The following PRELID2 variants were observed in gnomAD, a reference collection of about 807,000 sequenced individuals.
PRELID2 encodes the protein PRELI domain-containing protein 2.
Under a neutral mutation model 28.4 loss-of-function variants are expected in PRELID2, and 25 were observed. That is an observed-to-expected ratio of 0.88 (90% CI 0.64 to 1.23). PRELID2 has a LOEUF of 1.23. Among genes scored for constraint, PRELID2 ranks in the 50% most tolerant of loss-of-function variants. PRELID2 has a pLI of 0.00. For synonymous variants in PRELID2, 76 were observed against 71.6 expected (o/e 1.06, Z -0.31); for missense variants, 201 against 214.4 (o/e 0.94, Z 0.39).
the PRELID2 span, among the ~76,000 whole-genome samples, chr5:145,426,770 T>C: frequency 1.3e-5 from 2 of 152,190 alleles, no homozygotes; most frequent in Non-Finnish European, 2.9e-5. Context: ...TCAGATCTGT[T>C]GATTCCAGAG....
intron 1 of PRELID2, among the ~76,000 whole-genome samples, chr5:145,581,282 G>A (rs1013149423): frequency 6.6e-6 from 1 of 152,040 alleles, no homozygotes; most frequent in Non-Finnish European, 1.5e-5. Context: ...TAGAAGCCAT[G>A]TGTTGTCAAT....
At chr5:145,727,658 T>C (rs1185235153) in intron 1 of PRELID2, among the ~76,000 whole-genome samples, 2 of 152,120 alleles carry the variant, frequency 1.3e-5, no homozygotes, top group Non-Finnish European at 2.9e-5. Flanking sequence ...AATCCACAAA[T>C]GTAGAGCCTC....
chr5:145,463,888 G>A, the PRELID2 span, among the ~76,000 whole-genome samples: 3 of 152,098 alleles, frequency 2.0e-5, no homozygotes, highest in African/African-American at 7.2e-5. Flanking sequence ...AGAGATAAAA[G>A]TTACCAAAGC....
intron 1 of PRELID2, among the ~76,000 whole-genome samples, chr5:145,637,704 G>A (rs1754022329): frequency 6.6e-6 from 1 of 152,042 alleles, no homozygotes; most frequent in African/African-American, 2.4e-5. Context: ...GAAACACAGA[G>A]GTCATCATTC....
intron 1 of PRELID2, among the ~76,000 whole-genome samples, chr5:145,526,757 T>C (rs999799194): frequency 1.3e-5 from 2 of 152,192 alleles, no homozygotes; most frequent in African/African-American, 4.8e-5. Context: ...GATCAGAGCC[T>C]GAGAGGCTAT....
intron 1 of PRELID2, among the ~76,000 whole-genome samples, chr5:145,520,909 T>G (rs1479596941): frequency 6.6e-6 from 1 of 152,158 alleles, no homozygotes; most frequent in Non-Finnish European, 1.5e-5. Flanking sequence ...TTTTACTCAT[T>G]TGTTTCTTTT....
the PRELID2 span, among the ~76,000 whole-genome samples, chr5:145,405,070 A>T: frequency 6.4e-4 from 98 of 152,318 alleles, 1 homozygote; most frequent in African/African-American, 2.2e-3. Flanking sequence ...AAATAAAAAA[A>T]CTTCAAGTGC....
At chr5:145,279,839 A>C in the PRELID2 span, among the ~76,000 whole-genome samples, 1 of 151,114 alleles carries the variant, frequency 6.6e-6, no homozygotes, top group Non-Finnish European at 1.5e-5. Flanking sequence ...AGAAAAAAAA[A>C]AAACTTCACT....
intron 1 of PRELID2, among the ~76,000 whole-genome samples, chr5:145,716,039 A>G (rs1654150): frequency 0.18 from 28,029 of 152,016 alleles, 2,994 homozygotes; most frequent in African/African-American, 0.29. Flanking sequence ...TTAAAACATT[A>G]TGAGATTTTT....
the PRELID2 span, among the ~76,000 whole-genome samples, chr5:145,352,860 C>A: frequency 3.9e-5 from 6 of 152,174 alleles, no homozygotes; most frequent in Admixed American, 2.0e-4. Flanking sequence ...TTTGCTAAAG[C>A]ATAACAAGAA....
chr5:145,250,837 G>A, the PRELID2 span, among the ~76,000 whole-genome samples: 1 of 152,100 alleles, frequency 6.6e-6, no homozygotes, highest in Non-Finnish European at 1.5e-5. Flanking sequence ...ATCACTTTTG[G>A]GAGGTTAGGT....
intron 5 of PRELID2, among the ~76,000 whole-genome samples, chr5:145,766,277 G>A (rs192386565): frequency 6.6e-6 from 1 of 152,206 alleles, no homozygotes; most frequent in East Asian, 1.9e-4. Flanking sequence ...CAGATCCCCA[G>A]GCCCCTCCCA....
intron 1 of PRELID2, among the ~76,000 whole-genome samples, chr5:145,627,907 G>A (rs1753874184): frequency 6.6e-6 from 1 of 152,084 alleles, no homozygotes; most frequent in Non-Finnish European, 1.5e-5. Context: ...TAAATAGCTA[G>A]CTAAATATAA....
chr5:145,282,887 C>A, the PRELID2 span, among the ~76,000 whole-genome samples: 1 of 152,150 alleles, frequency 6.6e-6, no homozygotes, highest in Non-Finnish European at 1.5e-5. Flanking sequence ...CCCTTCAATA[C>A]TTTGCTTCAG....
At chr5:145,322,981 AAATAAATG>A in the PRELID2 span, among the ~76,000 whole-genome samples, 1 of 152,128 alleles carries the variant, frequency 6.6e-6, no homozygotes, top group African/African-American at 2.4e-5. Flanking sequence ...CTCCGTCTCT[AAATAAATG>A]AATAAATGAA....
the PRELID2 span, chr5:145,440,998 C>A: frequency 3.3e-5 from 5 of 152,112 alleles, no homozygotes; most frequent in Admixed American, 1.3e-4. Context: ...TTCATGAGCA[C>A]CTTTCTTGCA....
At chr5:145,651,652 G>C (rs951671769) in intron 1 of PRELID2, among the ~76,000 whole-genome samples, 2 of 152,226 alleles carry the variant, frequency 1.3e-5, no homozygotes, top group Admixed American at 1.3e-4. Flanking sequence ...ACAGGGTCTG[G>C]AGTGGACCTT....
chr5:145,296,853 G>A, the PRELID2 span, among the ~76,000 whole-genome samples: 1 of 152,174 alleles, frequency 6.6e-6, no homozygotes, highest in Non-Finnish European at 1.5e-5. Context: ...TCCAGCACCA[G>A]TTGTTTCCTG....
At chr5:145,422,118 T>A in the PRELID2 span, among the ~76,000 whole-genome samples, 1 of 142,258 alleles carries the variant, frequency 7.0e-6, no homozygotes, top group South Asian at 2.3e-4. Flanking sequence ...TAATTTCTGT[T>A]CTTTTACATT....
Sources: allele counts gnomAD v4.1 joint callset (sites outside exome capture counted in the v4.1 genomes callset), GRCh38; gene constraint gnomAD v4.1.1; transcripts MANE v1.5; gene names NCBI Gene and HGNC (gene_info 2026-07-23, HGNC 2026-07-21).